The following PRMT3 variants were observed in gnomAD, a reference collection of about 807,000 sequenced individuals.
PRMT3 encodes protein arginine methyltransferase 3.
A neutral mutation model predicts 71.9 loss-of-function variants in PRMT3; 62 were observed. That is an observed-to-expected ratio of 0.86 (90% CI 0.70 to 1.07). The LOEUF is 1.07. PRMT3 is among the 50% of genes least tolerant of loss of function. The pLI is 0.00. For missense variants in PRMT3, 663 were observed against 643.0 expected, an observed-to-expected ratio of 1.03 and a Z score of -0.34; for synonymous variants, 213 against 220.4, an observed-to-expected ratio of 0.97 and a Z score of 0.30.
chr11:20,426,723 A>G, intron 9 of PRMT3, 43 bp from the exon 10 acceptor site: 1 of 1,375,934 alleles, frequency 7.3e-7, no homozygotes, highest in Non-Finnish European at 9.4e-7. Context: ...ACTAGCTTTC[A>G]GAATCTGTTT....
chr11:20,412,185 T>A (rs906848231), intron 9 of PRMT3, among the ~76,000 whole-genome samples: 2 of 152,174 alleles, frequency 1.3e-5, no homozygotes, highest in Admixed American at 1.3e-4. Context: ...GTTGTTATTA[T>A]CAAGATCCAG....
intron 8 of PRMT3, 80 bp downstream of exon 8, chr11:20,403,064 A>G: frequency 9.7e-7 from 1 of 1,027,972 alleles, no homozygotes; most frequent in Non-Finnish European, 1.5e-6. Context: ...CATCATTGTG[A>G]TAGCAATTGA....
At chr11:20,484,449 G>T (rs1365295134) in intron 13 of PRMT3, among the ~76,000 whole-genome samples, 1 of 151,744 alleles carries the variant, frequency 6.6e-6, no homozygotes, top group Admixed American at 6.6e-5. Context: ...GAATTCCCAT[G>T]TGTTGTGGGA....
At chr11:20,390,020 G>C (rs1848679060) in intron 3 of PRMT3, among the ~76,000 whole-genome samples, 194 bp downstream of exon 3, 2 of 151,996 alleles carry the variant, frequency 1.3e-5, no homozygotes, top group South Asian at 4.2e-4. Flanking sequence ...GTGTGGTGAC[G>C]CACACCTGTA....
intron 3 of PRMT3, among the ~76,000 whole-genome samples, chr11:20,390,913 G>A (rs1848699516): frequency 6.6e-6 from 1 of 152,150 alleles, no homozygotes; most frequent in Admixed American, 6.5e-5. Context: ...AGTCGGGCAT[G>A]GTGGCATGTG....
chr11:20,408,745 C>T (rs181030258), intron 9 of PRMT3, among the ~76,000 whole-genome samples: 113 of 152,278 alleles, frequency 7.4e-4, no homozygotes, highest in Admixed American at 1.2e-3. Flanking sequence ...TAGGAGGCTT[C>T]TCATAGCAAC....
intron 8 of PRMT3, chr11:20,405,430 C>A (rs77566492): frequency 6.6e-6 from 1 of 152,032 alleles, no homozygotes; most frequent in African/African-American, 2.4e-5. Context: ...TGCTTGATCA[C>A]CTAATTCTAA....
chr11:20,505,347 G>C (rs1851565545), intron 15 of PRMT3, among the ~76,000 whole-genome samples: 1 of 151,986 alleles, frequency 6.6e-6, no homozygotes, highest in African/African-American at 2.4e-5. Context: ...TGTTATTTTT[G>C]AATCTCAAGT....
At chr11:20,450,793 C>T (rs1850130766) in intron 10 of PRMT3, among the ~76,000 whole-genome samples, 1 of 152,038 alleles carries the variant, frequency 6.6e-6, no homozygotes, top group Non-Finnish European at 1.5e-5. Context: ...TCTGGGTTTG[C>T]AGGTTTTTCT....
In PRMT3 at chr11:20,420,178, AG is replaced by A. The variant is rs1849395775; in HGVS notation, c.894-6587del. ...TAGAGCAAGACTCTGTCTCAAAAAA[AG>A]AAAAGGAAAACTGAGCAATAAATTG... On this transcript the variant is annotated intron_variant, in intron 9 of 15. Transcript: ENST00000331079. 3.9e-5 allele frequency among the ~76,000 whole-genome samples: 6 copies of A among 152,344 alleles called. No homozygotes were observed. The South Asian group carries it at 1.2e-3, about 32-fold the overall frequency.
At chr11:20,452,936 T>G (rs1228886238) in intron 11 of PRMT3, among the ~76,000 whole-genome samples, 3 of 152,184 alleles carry the variant, frequency 2.0e-5, no homozygotes, top group Non-Finnish European at 4.4e-5. Context: ...CCATGTTTAT[T>G]GAATTGAATC....
chr11:20,495,467 A>G (rs1160998396), intron 15 of PRMT3, among the ~76,000 whole-genome samples: 1 of 152,100 alleles, frequency 6.6e-6, no homozygotes, highest in Non-Finnish European at 1.5e-5. Flanking sequence ...AGCTATGATG[A>G]TACCACTGCA....
chr11:20,476,991 T>A (rs970842088), intron 13 of PRMT3, among the ~76,000 whole-genome samples: 2 of 152,186 alleles, frequency 1.3e-5, no homozygotes, highest in African/African-American at 4.8e-5. Context: ...ATCTCCTAGC[T>A]AGCTAGCGGG....
intron 8 of PRMT3, chr11:20,406,497 A>G (rs115225192): frequency 5.9e-5 from 9 of 152,352 alleles, no homozygotes; most frequent in South Asian, 4.1e-4. Context: ...TTAAGGCTCA[A>G]TAATCCATTT....
At chr11:20,415,842 A>C (rs951245052) in intron 9 of PRMT3, among the ~76,000 whole-genome samples, 4 of 152,200 alleles carry the variant, frequency 2.6e-5, no homozygotes, top group Non-Finnish European at 5.9e-5. Context: ...GTGATCTGGG[A>C]GTTCTTGTTC....
chr11:20,446,343 G>C (rs916456251), intron 10 of PRMT3, among the ~76,000 whole-genome samples: 1 of 90,942 alleles, frequency 1.1e-5, no homozygotes, highest in African/African-American at 4.4e-5. Context: ...TTTTTCTTTT[G>C]GGTTGCATAC....
intron 13 of PRMT3, among the ~76,000 whole-genome samples, chr11:20,493,079 G>A (rs978612785): frequency 2.6e-5 from 4 of 151,798 alleles, no homozygotes; most frequent in Non-Finnish European, 4.4e-5. Context: ...CCCAGGAGGC[G>A]GAGGTTGCAA....
chr11:20,429,297 G>A (rs575924354), intron 10 of PRMT3, among the ~76,000 whole-genome samples: 1 of 152,262 alleles, frequency 6.6e-6, no homozygotes, highest in South Asian at 2.1e-4. Context: ...TAGGGTTCAC[G>A]CTCCTGTGAG....
chr11:20,435,240 C>T (rs114188051), intron 10 of PRMT3, among the ~76,000 whole-genome samples: 4,716 of 152,056 alleles, frequency 0.031, 245 homozygotes, highest in African/African-American at 0.11. Context: ...TATTTTCTGT[C>T]GCCCAGGCTG....
Sources: gnomAD v4.1 joint callset for allele counts (sites outside exome capture counted in the v4.1 genomes callset) on GRCh38, gnomAD v4.1.1 for gene constraint, MANE v1.5 for transcripts, NCBI Gene and HGNC (gene_info 2026-07-23, HGNC 2026-07-21) for gene names.